ERICH1: variants seen among roughly 807,000 people sequenced by gnomAD.
ERICH1 encodes glutamate-rich protein 1.
In ERICH1, 56 loss-of-function variants were observed where a neutral mutation model predicts 39.6. The ratio of observed to expected loss-of-function variants is 1.41; its 90% CI spans 1.14 to 1.77. ERICH1 has a LOEUF of 1.77. Among genes scored for constraint, ERICH1 ranks in the 40% most tolerant of loss-of-function variants. The pLI, the probability that ERICH1 is intolerant of heterozygous loss-of-function variation, is 0.00. For synonymous variants in ERICH1, 313 were observed against 223.6 expected (o/e 1.40, Z -3.57); for missense variants, 826 against 575.4 (o/e 1.44, Z -4.45).
chr8:712,589 C>T (rs961560458), intron 2 of ERICH1, among the ~76,000 whole-genome samples: 1 of 152,162 alleles, frequency 6.6e-6, no homozygotes, highest in South Asian at 2.1e-4. Context: ...ACCACCATGA[C>T]TGGCTAATTT....
At chr8:671,278 C>T (rs1205261268) in intron 4 of ERICH1, among the ~76,000 whole-genome samples, 126 of 146,712 alleles carry the variant, frequency 8.6e-4, no homozygotes, top group East Asian at 2.9e-3. Flanking sequence ...CCACTGAGCG[C>T]GCTGGTCCCC....
intron 2 of ERICH1, among the ~76,000 whole-genome samples, chr8:706,579 G>C (rs1043668551): frequency 1.3e-5 from 2 of 152,134 alleles, no homozygotes; most frequent in African/African-American, 4.8e-5. Flanking sequence ...TTCGAGACCA[G>C]CCTGACGAAC....
intron 3 of ERICH1, among the ~76,000 whole-genome samples, chr8:674,640 G>C (rs1049657435): frequency 6.6e-6 from 1 of 152,018 alleles, no homozygotes; most frequent in Non-Finnish European, 1.5e-5. Flanking sequence ...TCATTTCTAT[G>C]GGCCTTTCCC....
chr8:709,961 A>G (rs1223226588), intron 2 of ERICH1, among the ~76,000 whole-genome samples: 1 of 152,212 alleles, frequency 6.6e-6, no homozygotes, highest in African/African-American at 2.4e-5. Context: ...GACCTTAAAA[A>G]TACAATTTTA....
intron 3 of ERICH1, among the ~76,000 whole-genome samples, chr8:676,928 A>G (rs951535365): frequency 6.6e-6 from 1 of 152,246 alleles, no homozygotes; most frequent in African/African-American, 2.4e-5. Context: ...CTGTAAGGGC[A>G]GATTCCCTAT....
At chr8:629,354 CCA>C (rs10569252) in intron 3 of ERICH1, among the ~76,000 whole-genome samples, 1,977 of 150,678 alleles carry the variant, frequency 0.013, 33 homozygotes, top group African/African-American at 0.044. Context: ...CTGTGACCAC[CCA>C]CACACACAGA....
intron 2 of ERICH1, among the ~76,000 whole-genome samples, chr8:704,099 C>T (rs562718909): frequency 6.6e-6 from 1 of 152,306 alleles, no homozygotes; most frequent in East Asian, 1.9e-4. Flanking sequence ...GTGTGAAAGA[C>T]AGTTATTAGC....
chr8:688,889 G>C (rs1422838037), intron 3 of ERICH1, among the ~76,000 whole-genome samples: 1 of 152,180 alleles, frequency 6.6e-6, no homozygotes, highest in African/African-American at 2.4e-5. Flanking sequence ...ACTCTAAAGG[G>C]AATACCTTTC....
At position 673,523 on chromosome 8, in the gene ERICH1, T is replaced by C. The variant is rs1241069874; in HGVS notation, c.829A>G (p.Thr277Ala). Residue 277 changes from threonine (T) to alanine (A), a missense_variant, in exon 4 of 6, where the codon ACC becomes GCC. By Grantham distance (58) the Thr-to-Ala change is moderately conservative. Transcript: ENST00000262109. The part of the protein sequence containing the change: ...KDAREEDGVD[T>A]IEEDLTRAGE... ...GCCCGTGTCAGGTCTTCCTCAATGG[T>C]GTCCACACCGTCCTCCTCCCTGGCG... 2 of 1,611,730 alleles carry C rather than the reference T, an allele frequency of 1.2e-6. No individual in the cohort carries two copies. Among genetic ancestry groups the C allele is most frequent in the Non-Finnish European group, 8.5e-7 (1 of 1,179,558 alleles).
intron 2 of ERICH1, among the ~76,000 whole-genome samples, chr8:701,112 A>G (rs1812008398): frequency 1.3e-5 from 1 of 78,818 alleles, no homozygotes; most frequent in African/African-American, 3.5e-5. Flanking sequence ...TTAAACACAC[A>G]TGGCCAAGGG....
At chr8:683,963 T>A (rs1353882351) in intron 3 of ERICH1, among the ~76,000 whole-genome samples, 1 of 152,264 alleles carries the variant, frequency 6.6e-6, no homozygotes, top group Non-Finnish European at 1.5e-5. Flanking sequence ...TAGTTTTGAA[T>A]AGGCTTGAAT....
chr8:728,386 A>T (rs1819284709), intron 1 of ERICH1, among the ~76,000 whole-genome samples: 1 of 152,170 alleles, frequency 6.6e-6, no homozygotes. Context: ...TCAACGCCAG[A>T]TGCAGTCACT....
At chr8:656,630 C>T (rs1233325512) in intron 3 of ERICH1, 1 of 533,076 alleles carries the variant, frequency 1.9e-6, no homozygotes, top group Non-Finnish European at 2.4e-6. Flanking sequence ...GCCCCTGGGA[C>T]CCTGTCACTC....
intron 1 of ERICH1, among the ~76,000 whole-genome samples, chr8:723,082 A>G (rs60603343): frequency 0.66 from 100,630 of 152,064 alleles, 33,376 homozygotes; most frequent in Middle Eastern, 0.74. Flanking sequence ...TGCCCACCTC[A>G]TGGTGATGAG....
intron 3 of ERICH1, among the ~76,000 whole-genome samples, chr8:652,524 C>T (rs539430713): frequency 7.9e-5 from 12 of 152,316 alleles, no homozygotes; most frequent in East Asian, 7.7e-4. Flanking sequence ...CTGCTGTTTC[C>T]GCATAATTAT....
chr8:715,946 CCT>C lies in ERICH1; in HGVS notation c.82_83del (p.Arg28GlyfsTer17). 6.2e-7 allele frequency: 1 copy of C among 1,613,932 alleles called. No homozygotes were observed. ...TTTGGACGGCCAGCGTCTGGGGTTCCCTCTTTCCTTGGCCACTTGGAACAGGA... is the reference window on the plus strand; with the variant it reads ...TTTGGACGGCCAGCGTCTGGGGTTCCCTTTCCTTGGCCACTTGGAACAGGA... The part of the protein sequence containing the change: ...FPPVPSGQGK[R>X]EPQTLAVQNP... On this transcript the variant is annotated frameshift_variant, in exon 2 of 6. Transcript: ENST00000262109. LOFTEE classifies it high-confidence loss of function.
intron 2 of ERICH1, among the ~76,000 whole-genome samples, chr8:701,817 C>T (rs1178152056): frequency 6.6e-6 from 1 of 151,994 alleles, no homozygotes; most frequent in African/African-American, 2.4e-5. Flanking sequence ...GGCAGCCAGG[C>T]GCGGTTGCTC....
At chr8:645,288 G>A (rs1251460921) in intron 3 of ERICH1, among the ~76,000 whole-genome samples, 1 of 68,876 alleles carries the variant, frequency 1.5e-5, no homozygotes, top group African/African-American at 3.7e-5. Flanking sequence ...TGAGGCCTGC[G>A]CCTGGGCCTT....
rs907439544 is a variant in ERICH1 at position 726,815 on chromosome 8, C to G, written c.22+4325G>C. The stretch of plus-strand genomic sequence containing the variant: ...TGAACATGGACACATGGACACACAC[C>G]ACACATGCACAGACACAGACACCAC... On this transcript the variant is annotated intron_variant, in intron 1 of 5. Transcript: ENST00000262109. Among the ~76,000 whole-genome samples, 7 of 151,976 alleles carry G rather than the reference C, an allele frequency of 4.6e-5. 1 individual carries two copies. In the South Asian group the frequency reaches 1.5e-3, roughly 32 times the overall value.
Sources: gnomAD v4.1 joint callset for allele counts (sites outside exome capture counted in the v4.1 genomes callset) on GRCh38, gnomAD v4.1.1 for gene constraint, MANE v1.5 for transcripts, NCBI Gene and HGNC (gene_info 2026-07-23, HGNC 2026-07-21) for gene names.